Variants in UTP4 observed in about 807,000 individuals in gnomAD.
UTP4 encodes the protein U3 small nucleolar RNA-associated protein 4 homolog.
Under a neutral mutation model 82.4 loss-of-function variants are expected in UTP4, and 45 were observed. The observed-to-expected ratio is 0.55, with a 90% CI of 0.43 to 0.70. The LOEUF is 0.70. Among genes scored for constraint, UTP4 ranks in the 30% least tolerant of loss-of-function variants. The pLI is 0.00. For synonymous variants in UTP4, 348 were observed against 300.3 expected, an observed-to-expected ratio of 1.16 and a Z score of -1.64; for missense variants, 819 against 858.3, an observed-to-expected ratio of 0.95 and a Z score of 0.57.
chr16:69,155,759 G>A, intron 10 of UTP4, 112 bp from the exon 11 acceptor site: 2 of 1,088,638 alleles, frequency 1.8e-6, no homozygotes, highest in Non-Finnish European at 2.8e-6. Flanking sequence ...GAGATTATGT[G>A]TAGATATCTG....
rs567649165 is a variant in UTP4, at chr16:69,155,381, G to T, written c.1165-490G>T. Among the ~76,000 whole-genome samples the T allele has an allele frequency of 5.1e-4, 77 of 151,840 alleles. 1 individual carries two copies. In the South Asian group the frequency reaches 0.011, roughly 23 times the overall value. ...GGGTTTCACCATGTTGTCCAGACAG[G>T]TCTTGAACTCCTGGGCTCAAGCAAT... On this transcript the variant is annotated intron_variant, in intron 10 of 16. Coordinates refer to ENST00000314423, the MANE Select transcript of UTP4 (RefSeq NM_032830.3).
At chr16:69,148,105 G>A (rs536697954) in intron 6 of UTP4, among the ~76,000 whole-genome samples, 151 of 151,982 alleles carry the variant, frequency 9.9e-4, no homozygotes, top group African/African-American at 3.4e-3. Flanking sequence ...ACAGGCGCCC[G>A]CCACCACACC....
chr16:69,151,323 T>TC (rs1465975791), intron 8 of UTP4, among the ~76,000 whole-genome samples: 5 of 148,362 alleles, frequency 3.4e-5, no homozygotes, highest in Non-Finnish European at 4.5e-5. Flanking sequence ...TCCTTTTTTT[T>TC]TCTTTTTTTT....
In UTP4 at chr16:69,161,832, C is replaced by CT. The variant is rs923235611; in HGVS notation, c.1552-1242dup. Among the ~76,000 whole-genome samples the CT allele has an allele frequency of 2.1e-4, 31 of 150,974 alleles. 1 individual carries two copies. Among genetic ancestry groups the CT allele is most frequent in the Admixed American group, 1.5e-3 (23 of 15,128 alleles). On this transcript the variant is annotated intron_variant, in intron 13 of 16. Coordinates refer to ENST00000314423, the MANE Select transcript of UTP4 (RefSeq NM_032830.3). Reference sequence around the variant, plus strand: ...GCGAGTCCCACCACACCTAGCTAATCTTTTTTTTTAGTAGAGATGAGGTTT... The same window carrying CT: ...GCGAGTCCCACCACACCTAGCTAATCTTTTTTTTTTAGTAGAGATGAGGTTT...
chr16:69,147,923 C>T (rs1289737578), intron 6 of UTP4, among the ~76,000 whole-genome samples: 4 of 152,020 alleles, frequency 2.6e-5, no homozygotes, highest in African/African-American at 4.8e-5. Context: ...CATGCCACCA[C>T]GCCTGTCTAA....
intron 13 of UTP4, among the ~76,000 whole-genome samples, chr16:69,162,305 C>T (rs886921393): frequency 1.3e-5 from 2 of 149,134 alleles, no homozygotes; most frequent in African/African-American, 4.9e-5. Context: ...AGGACTGGTG[C>T]GGTGGCTTAC....
intron 13 of UTP4, 64 bp downstream of exon 13, chr16:69,160,526 TAC>T: frequency 8.4e-7 from 1 of 1,188,682 alleles, no homozygotes; most frequent in South Asian, 1.2e-5. Context: ...ACCCTGCAGT[TAC>T]AAGATTCAAG....
At chr16:69,151,000 T>C (rs1199495887) in intron 8 of UTP4, 96 bp downstream of exon 8, 1 of 937,726 alleles carries the variant, frequency 1.1e-6, no homozygotes, top group Non-Finnish European at 1.7e-6. Context: ...GCTCGGCAAA[T>C]TTGTAGGACT....
At chr16:69,159,241 T>A (rs1431437204) in intron 12 of UTP4, among the ~76,000 whole-genome samples, 4 of 151,904 alleles carry the variant, frequency 2.6e-5, no homozygotes, top group African/African-American at 9.7e-5. Flanking sequence ...CACGCCCAGC[T>A]ATTTTTTTTT....
chr16:69,157,037 G>A, intron 11 of UTP4, 47 bp from the exon 12 acceptor site: 1 of 1,603,508 alleles, frequency 6.2e-7, no homozygotes, highest in African/African-American at 1.3e-5. Context: ...CTGATGGGCT[G>A]TAGGTCTCCC....
Position 69,160,563 on chromosome 16 carries a change from T to G in UTP4, c.1551+101T>G. On this transcript the variant is annotated intron_variant, in intron 13 of 16. Coordinates refer to ENST00000314423, the MANE Select transcript of UTP4 (RefSeq NM_032830.3). ...GGCAGATTGGCATGACCTGGAAATT[T>G]ATTAGACTTTTTTCTTTTTATTTTC... The G allele has an allele frequency of 3.6e-6, 3 of 838,096 alleles. 1 individual carries two copies. The South Asian group carries it at 4.4e-5, about 12-fold the overall frequency. The allele number at this position is 838,096 out of a possible 1,614,324, so 51.9% of individuals were successfully genotyped here.
Position 69,155,983 on chromosome 16 carries a change from G to A in UTP4, c.1277G>A (p.Ser426Asn), listed in dbSNP as rs376681041. ...YRLNYEHDNISLKRVSKMPAF... is the reference protein window; with the variant it reads ...YRLNYEHDNINLKRVSKMPAF... The stretch of plus-strand genomic sequence containing the variant: ...CTGAATTATGAACATGACAACATAA[G>A]CCTCAAAAGGGTAAGTGATAGTCCA... The change falls in exon 11 of 17, where the codon AGC becomes AAC. Residue 426 changes from serine (S) to asparagine (N), a missense_variant. By Grantham distance (46) the Ser-to-Asn change is conservative (BLOSUM62 1). Coordinates refer to ENST00000314423, the MANE Select transcript of UTP4 (RefSeq NM_032830.3). 1.9e-5 allele frequency: 31 copies of A among 1,613,948 alleles called. No homozygotes were observed. Among genetic ancestry groups the A allele is most frequent in the Non-Finnish European group, 2.6e-5 (31 of 1,180,000 alleles).
At position 69,167,195 on chromosome 16, in the gene UTP4, C is replaced by T. The variant is rs1963723734; in HGVS notation, c.1944+10C>T. The T allele has an allele frequency of 1.3e-6, 2 of 1,533,046 alleles. No homozygotes were observed. Among genetic ancestry groups the T allele is most frequent in the Admixed American group, 1.7e-5 (1 of 59,902 alleles). The allele number at this position is 1,533,046 out of a possible 1,614,324, so 95.0% of individuals were successfully genotyped here. On this transcript the variant is annotated intron_variant, in intron 16 of 16. Coordinates refer to ENST00000314423, the MANE Select transcript of UTP4 (RefSeq NM_032830.3). ...TTCTAAGATATATAAGGTAAAACATCTTGTGTTGTTATTCTGGATAGTTGG... is the reference window on the plus strand; with the variant it reads ...TTCTAAGATATATAAGGTAAAACATTTTGTGTTGTTATTCTGGATAGTTGG...
At chr16:69,144,467 C>T (rs529838712) in intron 6 of UTP4, among the ~76,000 whole-genome samples, 43 of 152,266 alleles carry the variant, frequency 2.8e-4, no homozygotes, top group Non-Finnish European at 2.9e-5. Context: ...AGATTGCAGG[C>T]GTGAGCCACC....
chr16:69,137,371 C>A (rs1962838058), intron 3 of UTP4, among the ~76,000 whole-genome samples: 1 of 152,180 alleles, frequency 6.6e-6, no homozygotes, highest in Admixed American at 6.6e-5. Context: ...AGAGTGGGTG[C>A]TTCCAGATCT....
At chr16:69,144,200 C>T (rs1218260862) in intron 6 of UTP4, among the ~76,000 whole-genome samples, 2 of 140,592 alleles carry the variant, frequency 1.4e-5, no homozygotes, top group Non-Finnish European at 3.1e-5. Flanking sequence ...TTTTCTCTCT[C>T]TTTTTTTTTT....
At chr16:69,140,927 G>A (rs1435273881) in intron 5 of UTP4, among the ~76,000 whole-genome samples, 2 of 151,964 alleles carry the variant, frequency 1.3e-5, no homozygotes, top group African/African-American at 4.8e-5. Flanking sequence ...CTCCCAGTAT[G>A]GTTATATTAT....
intron 6 of UTP4, 103 bp from the exon 7 acceptor site, chr16:69,150,434 C>A: frequency 7.9e-7 from 1 of 1,258,260 alleles, no homozygotes; most frequent in Non-Finnish European, 1.2e-6. Context: ...TGATTCTGGG[C>A]ATAGGTTTAC....
chr16:69,138,742 A>G (rs1173190029), intron 4 of UTP4, among the ~76,000 whole-genome samples: 2 of 152,206 alleles, frequency 1.3e-5, no homozygotes, highest in Non-Finnish European at 2.9e-5. Context: ...CTGTCAGTGT[A>G]GTGCAAAAGC....
Sources: gnomAD v4.1 joint callset for allele counts (sites outside exome capture counted in the v4.1 genomes callset) on GRCh38, gnomAD v4.1.1 for gene constraint, MANE v1.5 for transcripts, NCBI Gene and HGNC (gene_info 2026-07-23, HGNC 2026-07-21) for gene names.